The following NAV3 variants were observed in gnomAD, a reference collection of about 807,000 sequenced individuals.
NAV3 encodes the protein pore membrane and/or filament interacting like protein 1.
Under a neutral mutation model 244.7 loss-of-function variants are expected in NAV3, and 87 were observed. That is an observed-to-expected ratio of 0.36 (90% confidence interval 0.30 to 0.42). The LOEUF is 0.42. Among genes scored for constraint, NAV3 ranks in the 20% least tolerant of loss-of-function variants. NAV3 has a pLI of 1.00. For synonymous variants in NAV3, 1,126 were observed against 1,042.2 expected, an observed-to-expected ratio of 1.08 and a Z score of -1.55; for missense variants, 2,663 against 2,893.3, an observed-to-expected ratio of 0.92 and a Z score of 1.83.
rs887442441 is a variant in NAV3 at position 78,176,879 on chromosome 12, G to T, written c.5125-262G>T. ...TCAAGGTACTTAGTTTTAAATGAGT[G>T]CTCTGACAGCCATGCCCTTGACCTT... On this transcript the variant is annotated intron_variant, in intron 26 of 39. Coordinates refer to ENST00000397909, the MANE Select transcript of NAV3 (RefSeq NM_001024383.2). 3.3e-5 allele frequency among the ~76,000 whole-genome samples: 5 copies of T among 152,084 alleles called. No individual in the cohort carries two copies. In the South Asian group the frequency reaches 1.0e-3, roughly 32 times the overall value.
intron 2 of NAV3, among the ~76,000 whole-genome samples, chr12:77,600,013 G>C (rs1446931928): frequency 6.6e-6 from 1 of 151,964 alleles, no homozygotes; most frequent in East Asian, 1.9e-4. Context: ...AATGAAGCCT[G>C]TCAGATCTTT....
chr12:77,588,971 C>G (rs1157869778), intron 2 of NAV3, among the ~76,000 whole-genome samples: 1 of 152,078 alleles, frequency 6.6e-6, no homozygotes. Context: ...AGAGCTATAC[C>G]TGGGAATGAG....
chr12:77,780,746 G>T (rs561600294), intron 2 of NAV3, among the ~76,000 whole-genome samples: 17 of 152,260 alleles, frequency 1.1e-4, no homozygotes, highest in Admixed American at 4.6e-4. Context: ...TGTAAAACTG[G>T]CAAGTGATCA....
intron 7 of NAV3, among the ~76,000 whole-genome samples, chr12:78,005,696 C>G (rs1566009477): frequency 6.6e-6 from 1 of 152,152 alleles, no homozygotes; most frequent in African/African-American, 2.4e-5. Context: ...CCTAGCTCCA[C>G]CATACACTCC....
rs1482653235 is a variant in NAV3 at position 78,122,322 on chromosome 12, C to T, written c.4132C>T (p.Leu1378Phe). 1 of 1,613,994 alleles carries T rather than the reference C, an allele frequency of 6.2e-7. No homozygotes were observed. The highest frequency in any genetic ancestry group is 8.5e-7 in the Non-Finnish European group (1 of 1,180,030). The part of the protein sequence containing the change: ...SLHTSSESID[L>F]PLSHHGSLSG... ...CCACACGAGCTCTGAGTCCATTGACCTCCCCCTCAGCCATCATGGCTCCTT... is the reference window on the plus strand; with the variant it reads ...CCACACGAGCTCTGAGTCCATTGACTTCCCCCTCAGCCATCATGGCTCCTT... The change falls in exon 16 of 40, where the codon CTC becomes TTC. Residue 1378 changes from leucine to phenylalanine, a missense_variant. Leu to Phe is a conservative substitution (Grantham distance 22). Around this residue, in one of 6 missense-constraint regions of NAV3, gnomAD observed 354 missense variants for 413.0 expected, o/e 0.86. Transcript: ENST00000397909.
At chr12:77,754,094 G>A (rs898793643) in intron 2 of NAV3, among the ~76,000 whole-genome samples, 1 of 151,972 alleles carries the variant, frequency 6.6e-6, no homozygotes, top group African/African-American at 2.4e-5. Flanking sequence ...TATTTTATAC[G>A]TATTTTTGAA....
chr12:78,165,983 C>T (rs1198392165), intron 23 of NAV3, among the ~76,000 whole-genome samples: 5 of 143,380 alleles, frequency 3.5e-5, no homozygotes, highest in East Asian at 2.0e-4. Context: ...AAAAAAAATA[C>T]GTATGCAATA....
intron 9 of NAV3, among the ~76,000 whole-genome samples, chr12:78,025,747 C>T (rs1375717358): frequency 2.6e-5 from 4 of 151,974 alleles, no homozygotes; most frequent in Non-Finnish European, 4.4e-5. Flanking sequence ...CTGTTAGGTC[C>T]CACACAAACT....
chr12:77,949,719 T>C (rs1478039906), intron 3 of NAV3, among the ~76,000 whole-genome samples: 1 of 151,956 alleles, frequency 6.6e-6, no homozygotes, highest in Non-Finnish European at 1.5e-5. Flanking sequence ...CCAGAATCCA[T>C]GATTCATATT....
At chr12:77,677,771 A>G (rs970753474) in intron 2 of NAV3, among the ~76,000 whole-genome samples, 7 of 152,192 alleles carry the variant, frequency 4.6e-5, no homozygotes, top group African/African-American at 1.7e-4. Context: ...GTGTTTTGGA[A>G]CCAAACTATT....
intron 2 of NAV3, among the ~76,000 whole-genome samples, chr12:77,940,687 C>T (rs190811195): frequency 6.6e-6 from 1 of 152,306 alleles, no homozygotes; most frequent in East Asian, 1.9e-4. Context: ...TTGAATCGAA[C>T]TGTCAGAAAT....
At chr12:77,928,582 T>C (rs1212160889) in intron 1 of NAV3, among the ~76,000 whole-genome samples, 1 of 152,186 alleles carries the variant, frequency 6.6e-6, no homozygotes, top group East Asian at 1.9e-4. Context: ...TCAATAAATG[T>C]TGGCAGGTTT....
rs544268377 is a variant in NAV3 at position 78,039,141 on chromosome 12, A to G, written c.2024-10852A>G. The stretch of plus-strand genomic sequence containing the variant: ...TATTCAAATAGCTGTGATATGAATA[A>G]TCATATCTCCAGATAATGAAGCATT... On this transcript the variant is annotated intron_variant, in intron 9 of 39. Coordinates refer to ENST00000397909, the MANE Select transcript of NAV3 (RefSeq NM_001024383.2). 1.2e-4 allele frequency among the ~76,000 whole-genome samples: 18 copies of G among 152,276 alleles called. No individual in the cohort carries two copies. The South Asian group carries it at 3.5e-3, about 30-fold the overall frequency.
At chr12:77,893,880 T>C (rs1346404816) in intron 1 of NAV3, among the ~76,000 whole-genome samples, 1 of 152,180 alleles carries the variant, frequency 6.6e-6, no homozygotes, top group Non-Finnish European at 1.5e-5. Flanking sequence ...ACTACTTATA[T>C]ATTGCTCTCC....
At chr12:78,132,863 G>T (rs535441341) in intron 18 of NAV3, among the ~76,000 whole-genome samples, 1 of 152,058 alleles carries the variant, frequency 6.6e-6, no homozygotes, top group South Asian at 2.1e-4. Flanking sequence ...TCTTCTATTT[G>T]TCTTATAATT....
intron 1 of NAV3, among the ~76,000 whole-genome samples, chr12:77,897,051 C>T (rs968777652): frequency 7.2e-5 from 11 of 152,178 alleles, no homozygotes; most frequent in Admixed American, 5.9e-4. Flanking sequence ...TCAGATCCTG[C>T]TCCAGACCTG....
intron 39 of NAV3, among the ~76,000 whole-genome samples, chr12:78,209,319 T>A (rs1224162156): frequency 6.6e-6 from 1 of 150,376 alleles, no homozygotes; most frequent in Non-Finnish European, 1.5e-5. Flanking sequence ...CAAGGAATCG[T>A]TTTTTAGATT....
chr12:77,777,253 T>G (rs1870408167), intron 2 of NAV3, among the ~76,000 whole-genome samples: 2 of 152,146 alleles, frequency 1.3e-5, no homozygotes, highest in South Asian at 4.1e-4. Flanking sequence ...AATAGAACAA[T>G]TATAACAATA....
chr12:77,959,312 G>C (rs1474376772), intron 3 of NAV3, among the ~76,000 whole-genome samples: 1 of 151,974 alleles, frequency 6.6e-6, no homozygotes, highest in Non-Finnish European at 1.5e-5. Context: ...CTTAAGTGTA[G>C]TAGAGTTTAA....
Sources: gnomAD v4.1 joint callset for allele counts (sites outside exome capture counted in the v4.1 genomes callset) on GRCh38, gnomAD v4.1.1 for gene constraint, gnomAD v4.1.1 regional missense constraint, MANE v1.5 for transcripts, NCBI Gene and HGNC (gene_info 2026-07-23, HGNC 2026-07-21) for gene names.